Variants in GPALPP1 observed in about 807,000 individuals in gnomAD.
GPALPP1 encodes GPALPP motifs containing 1.
GPALPP1 carries 30 observed loss-of-function variants against 38.9 expected under a neutral mutation model. The observed-to-expected ratio is 0.77, with a 90% confidence interval of 0.58 to 1.05. The LOEUF is 1.05. GPALPP1 is among the 50% of genes least tolerant of loss of function. The pLI is 0.00. For missense variants in GPALPP1, 384 were observed against 408.8 expected (o/e 0.94, Z 0.52); for synonymous variants, 120 against 139.2 (o/e 0.86, Z 0.97).
chr13:45,004,395 G>T lies in GPALPP1; in HGVS notation c.179G>T (p.Gly60Val). ...GACAGTAGTTCTTTGTACGAAGAAG[G>T]AAATCAAGAATCTGAAGAAGATGAC... ...DEDSSSLYEE[G>V]NQESEEDDSG... Residue 60 changes from glycine to valine, a missense_variant, in exon 2 of 8, where the codon GGA (glycine) becomes GTA (valine). Physicochemically the swap from Gly to Val is moderately radical, Grantham distance 109. Transcript: ENST00000379151. The T allele has an allele frequency of 6.2e-7, 1 of 1,609,308 alleles. No homozygotes were observed. Among genetic ancestry groups the T allele is most frequent in the Non-Finnish European group, 8.5e-7 (1 of 1,175,732 alleles).
intron 7 of GPALPP1, among the ~76,000 whole-genome samples, chr13:45,022,116 T>C (rs1875473738): frequency 6.6e-6 from 1 of 152,090 alleles, no homozygotes; most frequent in Non-Finnish European, 1.5e-5. Flanking sequence ...TACTCACCAA[T>C]AAAAAGGAAC....
At chr13:45,008,484 A>G (rs1874254920) in intron 3 of GPALPP1, among the ~76,000 whole-genome samples, 1 of 152,236 alleles carries the variant, frequency 6.6e-6, no homozygotes, top group African/African-American at 2.4e-5. Flanking sequence ...CAATTTTTTT[A>G]AAACATTGCC....
chr13:44,999,916 C>A (rs1009382764), intron 1 of GPALPP1, among the ~76,000 whole-genome samples: 1 of 152,118 alleles, frequency 6.6e-6, no homozygotes, highest in Admixed American at 6.6e-5. Flanking sequence ...AGTATTCTAT[C>A]ATTTCATGAT....
chr13:45,017,645 C>T (rs1439530694), intron 6 of GPALPP1, among the ~76,000 whole-genome samples: 4 of 152,140 alleles, frequency 2.6e-5, no homozygotes, highest in Non-Finnish European at 5.9e-5. Context: ...GTCTAGCTTA[C>T]AGCCAGATAT....
chr13:44,989,709 A>T lies in GPALPP1; in HGVS notation c.55A>T (p.Thr19Ser). Reference protein sequence around the residue: ...ALPPGFKARGTAEDEERDPSP... With the variant: ...ALPPGFKARGSAEDEERDPSP... ...GCCGCCCGGCTTCAAGGCCCGCGGA[A>T]CAGCGGAGGACGAAGAGCGGGACCC... The change falls in exon 1 of 8, where the codon ACA (threonine) becomes TCA (serine). Residue 19 changes from threonine to serine, a missense_variant. By Grantham distance (58) the Thr-to-Ser change is moderately conservative. Transcript: ENST00000379151. 6.2e-7 allele frequency: 1 copy of T among 1,611,092 alleles called. No individual in the cohort carries two copies. The highest frequency in any genetic ancestry group is 8.5e-7 in the Non-Finnish European group (1 of 1,179,830).
chr13:45,019,033 AC>A (rs1304985345), intron 6 of GPALPP1, among the ~76,000 whole-genome samples: 5 of 46,152 alleles, frequency 1.1e-4, no homozygotes, highest in East Asian at 5.8e-4. Flanking sequence ...ATAAATATAT[AC>A]ATAGAAATAT....
At position 45,019,854 on chromosome 13, in the gene GPALPP1, T is replaced by C. The variant is rs540979040; in HGVS notation, c.706-476T>C. 5.3e-5 allele frequency among the ~76,000 whole-genome samples: 8 copies of C among 150,804 alleles called. No homozygotes were observed. The East Asian group carries it at 1.4e-3, about 26-fold the overall frequency. On this transcript the variant is annotated intron_variant, in intron 6 of 7. Transcript: ENST00000379151. The stretch of plus-strand genomic sequence containing the variant: ...TCACAGACTAGAGCAGTAACTGATC[T>C]CTTATCAAGTATGTTAATATTTTGA...
downstream of GPALPP1, among the ~76,000 whole-genome samples, chr13:45,032,475 G>A (rs955174433): frequency 2.6e-5 from 4 of 151,606 alleles, no homozygotes; most frequent in Admixed American, 6.6e-5. Flanking sequence ...GCGTGATCTC[G>A]GCTCACTGCA....
At chr13:44,998,898 G>A (rs1171747422) in intron 1 of GPALPP1, among the ~76,000 whole-genome samples, 1 of 152,148 alleles carries the variant, frequency 6.6e-6, no homozygotes, top group African/African-American at 2.4e-5. Flanking sequence ...TGGAACCAAG[G>A]CCATAGCCAC....
intron 1 of GPALPP1, among the ~76,000 whole-genome samples, chr13:44,995,204 C>CACACACACACACACACACACACACACACA: frequency 8.8e-5 from 1 of 11,412 alleles, no homozygotes; most frequent in East Asian, 0.023. Flanking sequence ...ACACACACAC[C>CACACACACACACACACACACACACACACA]CCTTCTCTTT....
At chr13:45,000,711 G>A (rs138156057) in intron 1 of GPALPP1, among the ~76,000 whole-genome samples, 36 of 152,262 alleles carry the variant, frequency 2.4e-4, no homozygotes, top group Admixed American at 9.2e-4. Context: ...AATCACTCCT[G>A]TGGGGTCACA....
Position 44,989,593 on chromosome 13 carries a change from T to A in GPALPP1, c.-62T>A, listed in dbSNP as rs1872607822. On this transcript the variant is annotated 5_prime_UTR_variant, in exon 1 of 8. Coordinates refer to ENST00000379151, the MANE Select transcript of GPALPP1 (RefSeq NM_018559.5). ...TCTTCGCTGCTGATCGCGGGATTCT[T>A]TTTGGATAGGGTTGACGTTCGTGGA... The A allele has an allele frequency of 1.3e-6, 2 of 1,518,796 alleles. No homozygotes were observed. The highest frequency in any genetic ancestry group is 1.8e-6 in the Non-Finnish European group (2 of 1,099,122). The allele number at this position is 1,518,796 out of a possible 1,614,324, so 94.1% of individuals were successfully genotyped here. A position where few individuals can be genotyped will look rare whatever the true frequency, so the allele number is the denominator to read the frequency against.
At chr13:45,010,402 A>G (rs879670181) in intron 4 of GPALPP1, among the ~76,000 whole-genome samples, 2 of 152,152 alleles carry the variant, frequency 1.3e-5, no homozygotes, top group Non-Finnish European at 2.9e-5. Flanking sequence ...ACCACCGAAG[A>G]TACTATTAAT....
At chr13:45,033,617 A>C (rs573643605), downstream of GPALPP1, 1 of 152,304 alleles carries the variant, frequency 6.6e-6, no homozygotes, top group South Asian at 2.1e-4. Context: ...GAGAAGTTGT[A>C]GTATTTATTT....
chr13:44,999,381 T>C (rs1873507281), intron 1 of GPALPP1, among the ~76,000 whole-genome samples: 3 of 152,182 alleles, frequency 2.0e-5, no homozygotes, highest in African/African-American at 7.2e-5. Flanking sequence ...AAAATTATCA[T>C]TGCAATAGGA....
intron 7 of GPALPP1, among the ~76,000 whole-genome samples, chr13:45,022,461 A>G (rs1875499495): frequency 6.6e-6 from 1 of 152,058 alleles, no homozygotes; most frequent in East Asian, 1.9e-4. Context: ...TTGAACTCAA[A>G]TGCATGCTTA....
intron 1 of GPALPP1, among the ~76,000 whole-genome samples, chr13:44,995,053 T>G (rs756274298): frequency 4.5e-4 from 68 of 152,206 alleles, no homozygotes; most frequent in Non-Finnish European, 5.1e-4. Flanking sequence ...GGTTTCTCCA[T>G]GTTGGTCAGG....
intron 7 of GPALPP1, 43 bp downstream of exon 7, chr13:45,020,471 C>T: frequency 1.2e-6 from 1 of 814,780 alleles, no homozygotes; most frequent in African/African-American, 1.7e-5. Flanking sequence ...TGTGATGGCT[C>T]TTGCCTATAA....
intron 7 of GPALPP1, among the ~76,000 whole-genome samples, chr13:45,021,483 A>C (rs1052510226): frequency 6.6e-6 from 1 of 152,168 alleles, no homozygotes; most frequent in Non-Finnish European, 1.5e-5. Flanking sequence ...TGGATTCAGA[A>C]TAACTTAAAA....
Sources: gnomAD v4.1 joint callset for allele counts (sites outside exome capture counted in the v4.1 genomes callset) on GRCh38, gnomAD v4.1.1 for gene constraint, MANE v1.5 for transcripts, NCBI Gene and HGNC (gene_info 2026-07-23, HGNC 2026-07-21) for gene names.